Variants in DPP10 observed in about 807,000 individuals in gnomAD.
The protein encoded by DPP10 is dipeptidyl peptidase like 10.
DPP10 carries 33 observed loss-of-function variants against 120.9 expected under a neutral mutation model. That is an observed-to-expected ratio of 0.27 (90% CI 0.21 to 0.37). The LOEUF (loss-of-function observed/expected upper bound fraction) is 0.37, where lower values mean the gene tolerates loss of function less well. DPP10 is among the 10% of genes least tolerant of loss of function. The probability of loss-of-function intolerance (pLI) is 1.00; values close to 1 mark genes in which losing one functional copy is unlikely to be tolerated. For synonymous variants in DPP10, 337 were observed against 326.1 expected (o/e 1.03, Z -0.36); for missense variants, 816 against 942.8 (o/e 0.87, Z 1.76).
intron 3 of DPP10, among the ~76,000 whole-genome samples, chr2:115,386,437 C>T (rs772518429): frequency 2.6e-5 from 4 of 152,248 alleles, no homozygotes; most frequent in South Asian, 2.1e-4. Context: ...TGGTTAGAAC[C>T]TAAGCTTATA....
chr2:114,733,226 AC>A (rs1677090322), intron 1 of DPP10, among the ~76,000 whole-genome samples: 1 of 152,094 alleles, frequency 6.6e-6, no homozygotes, highest in Admixed American at 6.6e-5. Context: ...CAGTCTTTTC[AC>A]TTATTTCCTG....
intron 1 of DPP10, among the ~76,000 whole-genome samples, chr2:114,451,874 A>T (rs1319806729): frequency 6.6e-6 from 1 of 152,158 alleles, no homozygotes; most frequent in Non-Finnish European, 1.5e-5. Flanking sequence ...GTCTTTCAGG[A>T]TAATCCAAAT....
At chr2:114,469,319 CAA>C (rs1322357576) in intron 1 of DPP10, among the ~76,000 whole-genome samples, 5 of 152,274 alleles carry the variant, frequency 3.3e-5, no homozygotes, top group South Asian at 2.1e-4. Context: ...ACTTATTAAA[CAA>C]GAGAGGATTT....
intron 1 of DPP10, among the ~76,000 whole-genome samples, chr2:114,575,439 G>A (rs1689978617): frequency 6.6e-6 from 1 of 152,142 alleles, no homozygotes; most frequent in South Asian, 2.1e-4. Context: ...TTGTTTGGAA[G>A]TAATGCATTT....
intron 1 of DPP10, among the ~76,000 whole-genome samples, chr2:114,653,654 T>C (rs1003796467): frequency 1.3e-5 from 2 of 152,124 alleles, no homozygotes; most frequent in East Asian, 1.9e-4. Flanking sequence ...TCAGTGTCCT[T>C]CAATAAGATA....
At chr2:115,551,884 G>A (rs2079895700) in intron 5 of DPP10, among the ~76,000 whole-genome samples, 1 of 152,066 alleles carries the variant, frequency 6.6e-6, no homozygotes, top group South Asian at 2.1e-4. Flanking sequence ...GTTAAAAAAA[G>A]CTAGTTATTA....
chr2:114,631,092 GT>G (rs1287947668), intron 1 of DPP10, among the ~76,000 whole-genome samples: 1 of 152,092 alleles, frequency 6.6e-6, no homozygotes, highest in Non-Finnish European at 1.5e-5. Flanking sequence ...TATAGTTTAT[GT>G]TTTTTAGGGA....
intron 5 of DPP10, among the ~76,000 whole-genome samples, chr2:115,593,595 G>A (rs1423655950): frequency 6.6e-6 from 1 of 152,064 alleles, no homozygotes; most frequent in Non-Finnish European, 1.5e-5. Flanking sequence ...ATGTTAGTTT[G>A]GAGACTTGTA....
chr2:114,478,787 CAA>C (rs1680752969), intron 1 of DPP10, among the ~76,000 whole-genome samples: 1 of 152,020 alleles, frequency 6.6e-6, no homozygotes, highest in Admixed American at 6.6e-5. Context: ...TGTGAACATA[CAA>C]CAATCAAAAT....
chr2:115,328,022 C>A (rs541627714), intron 2 of DPP10, among the ~76,000 whole-genome samples: 6 of 152,090 alleles, frequency 3.9e-5, no homozygotes, highest in Admixed American at 1.3e-4. Context: ...ATTTCTGTGA[C>A]CCCTGTCTTC....
chr2:115,762,137 T>C (rs1388502664), intron 11 of DPP10, among the ~76,000 whole-genome samples: 2 of 152,224 alleles, frequency 1.3e-5, no homozygotes, highest in Non-Finnish European at 2.9e-5. Context: ...GCCATGATTA[T>C]GAGTGAATTG....
At chr2:114,587,659 AC>A (rs1160522695) in intron 1 of DPP10, among the ~76,000 whole-genome samples, 1 of 152,130 alleles carries the variant, frequency 6.6e-6, no homozygotes, top group African/African-American at 2.4e-5. Context: ...TCCAAGAAAA[AC>A]TTAAAGGGAA....
intron 1 of DPP10, among the ~76,000 whole-genome samples, chr2:115,245,192 G>C (rs988618556): frequency 1.3e-5 from 2 of 151,998 alleles, no homozygotes; most frequent in Non-Finnish European, 2.9e-5. Flanking sequence ...TTTTATGGCT[G>C]AGTGGTATTC....
chr2:115,637,382 A>G lies in DPP10; in HGVS notation c.442-52305A>G, dbSNP rs146795778. Among the ~76,000 whole-genome samples, 3 of 152,304 alleles carry G rather than the reference A, an allele frequency of 2.0e-5. No homozygotes were observed. The East Asian group carries it at 5.8e-4, about 29-fold the overall frequency. On this transcript the variant is annotated intron_variant, in intron 5 of 25. Transcript: ENST00000410059. ...GGGGTAAGTTAATTGTTTTTAAATT[A>G]GCATAATCACAAAAAATATAGATGC...
chr2:115,012,273 C>T (rs920125356), intron 1 of DPP10, among the ~76,000 whole-genome samples: 2 of 152,130 alleles, frequency 1.3e-5, no homozygotes, highest in African/African-American at 2.4e-5. Flanking sequence ...CCTGAGGAAC[C>T]TGAATACTGA....
chr2:115,446,273 G>T (rs2072576618), intron 3 of DPP10, among the ~76,000 whole-genome samples: 1 of 152,158 alleles, frequency 6.6e-6, no homozygotes, highest in South Asian at 2.1e-4. Context: ...TGCTGCAGGG[G>T]CAGAACCCTC....
chr2:114,842,752 T>C (rs1688257472), intron 1 of DPP10, among the ~76,000 whole-genome samples: 1 of 152,168 alleles, frequency 6.6e-6, no homozygotes, highest in African/African-American at 2.4e-5. Flanking sequence ...CCAAGCATTA[T>C]GGGAGACTGC....
At chr2:115,014,736 T>C (rs1000170013) in intron 1 of DPP10, among the ~76,000 whole-genome samples, 1 of 151,058 alleles carries the variant, frequency 6.6e-6, no homozygotes, top group Admixed American at 6.6e-5. Context: ...AACTAGAAAA[T>C]CTAGAAGAAA....
intron 4 of DPP10, among the ~76,000 whole-genome samples, chr2:115,520,422 A>T (rs1046249877): frequency 1.6e-4 from 25 of 152,198 alleles, no homozygotes; most frequent in African/African-American, 5.8e-4. Context: ...ATCCAAGAAG[A>T]CTTACATTTT....
Sources: allele counts gnomAD v4.1 joint callset (sites outside exome capture counted in the v4.1 genomes callset), GRCh38; gene constraint gnomAD v4.1.1; transcripts MANE v1.5; gene names NCBI Gene and HGNC (gene_info 2026-07-23, HGNC 2026-07-21).